Variants in ATP9B observed in about 807,000 individuals in gnomAD.
The protein encoded by ATP9B is ATPase phospholipid transporting 9B, also known as probable phospholipid-transporting ATPase IIB.
A neutral mutation model predicts 146.1 loss-of-function variants in ATP9B; 110 were observed. The observed-to-expected ratio is 0.75, with a 90% CI of 0.65 to 0.88. ATP9B has a LOEUF of 0.88. Among genes scored for constraint, ATP9B ranks in the 40% least tolerant of loss-of-function variants. ATP9B has a pLI of 0.00. For synonymous variants in ATP9B, 604 were observed against 569.7 expected (o/e 1.06, Z -0.86); for missense variants, 1,499 against 1,496.4 (o/e 1.00, Z -0.03).
At chr18:79,349,897 C>T (rs969086563) in intron 25 of ATP9B, among the ~76,000 whole-genome samples, 1 of 148,014 alleles carries the variant, frequency 6.8e-6, no homozygotes, top group African/African-American at 2.6e-5. Context: ...GCCCCGCACC[C>T]CCCCCCCCAC....
In ATP9B at chr18:79,375,079, A is replaced by G. The variant is rs115689146; in HGVS notation, c.3275-315A>G. ...AGAGCTCCTTTCACACCTGCAGAAC[A>G]TGGCCAGCCCTCCAGCGCGTGCGCC... On this transcript the variant is annotated intron_variant, in intron 28 of 29. Transcript: ENST00000426216. Among the ~76,000 whole-genome samples the G allele has an allele frequency of 7.6e-3, 1,156 of 152,352 alleles. 15 individuals carry two copies. The highest frequency in any genetic ancestry group is 0.027 in the African/African-American group (1,110 of 41,570).
intron 25 of ATP9B, among the ~76,000 whole-genome samples, chr18:79,355,428 G>C (rs999224997): frequency 6.6e-6 from 1 of 152,092 alleles, no homozygotes; most frequent in Non-Finnish European, 1.5e-5. Context: ...GAACCAAATG[G>C]AAATCTTAGA....
chr18:79,142,663 C>T (rs191498108), intron 5 of ATP9B, among the ~76,000 whole-genome samples: 49 of 152,158 alleles, frequency 3.2e-4, no homozygotes, highest in African/African-American at 1.1e-3. Context: ...TTGTTTCACA[C>T]GTAATTCTAA....
intron 8 of ATP9B, among the ~76,000 whole-genome samples, chr18:79,190,340 T>C (rs2095352207): frequency 6.6e-6 from 1 of 152,138 alleles, no homozygotes; most frequent in South Asian, 2.1e-4. Flanking sequence ...ATCTTCAAGG[T>C]TTTTCAAATT....
At chr18:79,369,081 A>C (rs1043060213) in intron 26 of ATP9B, among the ~76,000 whole-genome samples, 2 of 152,128 alleles carry the variant, frequency 1.3e-5, no homozygotes, top group Admixed American at 6.5e-5. Context: ...CCACACTCCC[A>C]AACTTCTCTC....
At chr18:79,292,955 A>G (rs1430998137) in intron 13 of ATP9B, among the ~76,000 whole-genome samples, 1 of 152,034 alleles carries the variant, frequency 6.6e-6, no homozygotes, top group East Asian at 1.9e-4. Flanking sequence ...ATACAAAGCT[A>G]CAGTAATCAA....
intron 27 of ATP9B, among the ~76,000 whole-genome samples, chr18:79,373,534 G>GA (rs2097085532): frequency 6.9e-6 from 1 of 145,690 alleles, no homozygotes; most frequent in South Asian, 2.2e-4. Flanking sequence ...CTGTCACCCA[G>GA]GCTGGAGTGC....
At chr18:79,286,044 G>A (rs2145971139) in intron 13 of ATP9B, among the ~76,000 whole-genome samples, 1 of 151,756 alleles carries the variant, frequency 6.6e-6, no homozygotes, top group African/African-American at 2.4e-5. Flanking sequence ...TTTGAAGTCA[G>A]GTAGCATGAT....
intron 12 of ATP9B, among the ~76,000 whole-genome samples, chr18:79,263,688 T>G (rs1449908607): frequency 6.6e-6 from 1 of 152,240 alleles, no homozygotes; most frequent in African/African-American, 2.4e-5. Context: ...TCCTTTCTGC[T>G]GTTTTGGGGT....
rs56119715 is a variant in ATP9B at position 79,071,399 on chromosome 18, C to CTTTTTTTTTTTTTTTTTTTTT, written c.119+1884_119+1885insTTTTTTTTTTTTTTTTTTTTT. Among the ~76,000 whole-genome samples the CTTTTTTTTTTTTTTTTTTTTT allele has an allele frequency of 5.2e-3, 363 of 69,248 alleles. 65 individuals are homozygous for CTTTTTTTTTTTTTTTTTTTTT. The highest frequency in any genetic ancestry group is 7.1e-3 in the African/African-American group (148 of 20,832). 45.4% of individuals were successfully genotyped at this position (69,248 alleles called of 152,430 possible). ...ATTTCCCCTTTTTCTATTGTTCTTC[C>CTTTTTTTTTTTTTTTTTTTTT]TTTTTTTTTTTTTTGAGACAGGGTC... is the stretch of plus-strand genomic sequence containing the variant. On this transcript the variant is annotated intron_variant, in intron 1 of 29. Coordinates refer to ENST00000426216, the MANE Select transcript of ATP9B (RefSeq NM_198531.5).
rs116454602 is a variant in ATP9B, at chr18:79,167,871, C to T, written c.779-8942C>T. ...TGCCCAGGAACTTGTGGGACTCCCA[C>T]CATCAACATGCCATGTATGGTTCCC... On this transcript the variant is annotated intron_variant, in intron 7 of 29. Coordinates refer to ENST00000426216, the MANE Select transcript of ATP9B (RefSeq NM_198531.5). Among the ~76,000 whole-genome samples the T allele has an allele frequency of 1.3e-3, 204 of 151,862 alleles. 2 individuals are homozygous for T. The highest frequency in any genetic ancestry group is 4.9e-3 in the African/African-American group (201 of 41,306).
intron 10 of ATP9B, among the ~76,000 whole-genome samples, chr18:79,212,494 C>T (rs929316291): frequency 6.6e-6 from 1 of 152,190 alleles, no homozygotes; most frequent in Admixed American, 6.5e-5. Flanking sequence ...GAGATTTGCT[C>T]ATTCTGCTAA....
At chr18:79,237,863 T>A (rs1456695478) in intron 11 of ATP9B, among the ~76,000 whole-genome samples, 2 of 141,884 alleles carry the variant, frequency 1.4e-5, no homozygotes, top group South Asian at 2.7e-4. Context: ...GCTAATTTTT[T>A]ATTTTTTTGT....
chr18:79,145,052 G>A (rs1478389076), intron 6 of ATP9B: 8 of 205,058 alleles, frequency 3.9e-5, no homozygotes, highest in Non-Finnish European at 6.0e-5. Flanking sequence ...GGTGTGCAGA[G>A]TGACTGAAGG....
chr18:79,328,054 C>CGTGCTCTCCG (rs2096769449), intron 15 of ATP9B, among the ~76,000 whole-genome samples: 1 of 40,204 alleles, frequency 2.5e-5, no homozygotes, highest in African/African-American at 1.1e-4. Context: ...CGTGCTCTCT[C>CGTGCTCTCCG]TGGTTAGCGT....
chr18:79,202,291 G>A (rs1007773434), intron 9 of ATP9B, among the ~76,000 whole-genome samples: 3 of 152,172 alleles, frequency 2.0e-5, no homozygotes, highest in Non-Finnish European at 4.4e-5. Flanking sequence ...AAATCTGTAT[G>A]TATTGTCTTG....
chr18:79,376,212 C>CACACACAAA (rs2097101830), intron 29 of ATP9B: 1 of 830,352 alleles, frequency 1.2e-6, no homozygotes, highest in African/African-American at 2.7e-5. Context: ...CACACACACA[C>CACACACAAA]ACAAAACAAA....
At chr18:79,134,956 G>A (rs1008913943) in intron 5 of ATP9B, among the ~76,000 whole-genome samples, 2 of 152,182 alleles carry the variant, frequency 1.3e-5, no homozygotes, top group Non-Finnish European at 1.5e-5. Context: ...ATTTTTTGTA[G>A]TTAAGGTTTA....
At chr18:79,070,848 GTA>G (rs1296012160) in intron 1 of ATP9B, among the ~76,000 whole-genome samples, 19 of 151,770 alleles carry the variant, frequency 1.3e-4, no homozygotes, top group African/African-American at 4.6e-4. Flanking sequence ...TGTTTGCATG[GTA>G]TTAGCTTTCA....
Sources: allele counts gnomAD v4.1 joint callset (sites outside exome capture counted in the v4.1 genomes callset), GRCh38; gene constraint gnomAD v4.1.1; transcripts MANE v1.5; gene names NCBI Gene and HGNC (gene_info 2026-07-23, HGNC 2026-07-21).